AGO1: variants seen among roughly 807,000 people sequenced by gnomAD.
AGO1 encodes the protein protein argonaute-1.
In AGO1, 11 loss-of-function variants were observed where a neutral mutation model predicts 109.2. The observed-to-expected ratio is 0.10, with a 90% CI of 0.06 to 0.17. AGO1 has a LOEUF of 0.17. Among genes scored for constraint, AGO1 ranks in the 10% least tolerant of loss-of-function variants. The probability of loss-of-function intolerance (pLI) is 1.00; values close to 1 mark genes in which losing one functional copy is unlikely to be tolerated. For synonymous variants in AGO1, 422 were observed against 418.6 expected (o/e 1.01, Z -0.10); for missense variants, 574 against 1,140.3 (o/e 0.50, Z 7.15).
chr1:35,885,091 A>T (rs1353713329), intron 1 of AGO1, among the ~76,000 whole-genome samples: 1 of 151,974 alleles, frequency 6.6e-6, no homozygotes, highest in Non-Finnish European at 1.5e-5. Context: ...CCTCTTAACA[A>T]CCAGCCTTGT....
In AGO1 at chr1:35,893,818, G is replaced by A; in HGVS notation, c.649+8G>A. The stretch of plus-strand genomic sequence containing the variant: ...TGATGCTCAACATTGATGGTGAGTG[G>A]GGAGAGCTATGGAGCCAGGGGCACC... On this transcript the variant is annotated splice_region_variant and intron_variant, in intron 5 of 18. Transcript: ENST00000373204. This position sits in a 1 kb window ranked among gnomAD's most constrained non-coding sequence, Gnocchi z 5.6. 1 of 1,610,504 alleles carries A rather than the reference G, an allele frequency of 6.2e-7. No individual in the cohort carries two copies. The highest frequency in any genetic ancestry group is 8.5e-7 in the Non-Finnish European group (1 of 1,177,732).
In AGO1 at chr1:35,901,954, A is replaced by C. The variant is rs1404044449; in HGVS notation, c.1147A>C (p.Asn383His). ...GCTCTCTTTTGTCCTGCAGATGAAG[A>C]ATGCCAGCTACAACTTAGATCCCTA... ...RQEEISRLMKNASYNLDPYIQ... is the reference protein window; with the variant it reads ...RQEEISRLMKHASYNLDPYIQ... Residue 383 changes from asparagine to histidine, a missense_variant, in exon 10 of 19, where the codon AAT becomes CAT. Asn to His is a moderately conservative substitution (Grantham distance 68). Transcript: ENST00000373204. This position sits in a 1 kb window ranked among gnomAD's most constrained non-coding sequence, Gnocchi z 4.8. The C allele has an allele frequency of 6.3e-7, 1 of 1,587,874 alleles. No individual in the cohort carries two copies. The highest frequency in any genetic ancestry group is 1.4e-5 in the African/African-American group (1 of 74,046).
At chr1:35,899,180 A>G (rs72661613) in intron 8 of AGO1, among the ~76,000 whole-genome samples, 7,243 of 152,290 alleles carry the variant, frequency 0.048, 258 homozygotes, top group South Asian at 0.083. Flanking sequence ...ACTTAACACA[A>G]TGTCTTCAAG....
chr1:35,884,458 C>T (rs761926743), intron 1 of AGO1, among the ~76,000 whole-genome samples: 41 of 152,090 alleles, frequency 2.7e-4, no homozygotes, highest in Non-Finnish European at 5.1e-4. Context: ...GGCTTTTAAT[C>T]CAAAGATTTT....
In AGO1 at chr1:35,921,804, A is replaced by G. The variant is rs1357140818; in HGVS notation, c.*2197A>G. ...TGCTGGCTACAGCATGGGGTGCCCTATAGGCACAAGCCCAGCTGAAGAACA... is the reference window on the plus strand; with the variant it reads ...TGCTGGCTACAGCATGGGGTGCCCTGTAGGCACAAGCCCAGCTGAAGAACA... On this transcript the variant is annotated 3_prime_UTR_variant, in exon 19 of 19. Transcript: ENST00000373204. 6.5e-6 allele frequency: 1 copy of G among 152,702 alleles called. No homozygotes were observed. Among genetic ancestry groups the G allele is most frequent in the African/African-American group, 2.4e-5 (1 of 41,468 alleles). The allele number at this position is 152,702 out of a possible 1,614,324, so 9.5% of individuals were successfully genotyped here.
intron 15 of AGO1, among the ~76,000 whole-genome samples, chr1:35,917,317 G>A (rs1557623371): frequency 6.6e-6 from 1 of 152,098 alleles, no homozygotes; most frequent in Non-Finnish European, 1.5e-5. Context: ...TCTGTGTCTT[G>A]GTATTAGGTC....
chr1:35,910,013 T>C (rs992383486), intron 12 of AGO1, among the ~76,000 whole-genome samples: 1 of 151,972 alleles, frequency 6.6e-6, no homozygotes, highest in Non-Finnish European at 1.5e-5. Context: ...TATGTTACAC[T>C]TCTCTCTAGC....
intron 12 of AGO1, among the ~76,000 whole-genome samples, chr1:35,909,879 ATAAG>A (rs1028156842): frequency 1.3e-5 from 2 of 152,012 alleles, no homozygotes; most frequent in Non-Finnish European, 2.9e-5. Flanking sequence ...ACTTCCTTGA[ATAAG>A]TATTCATGTT....
In AGO1 at chr1:35,925,137, TAGA is replaced by T. The variant is rs1160082662; in HGVS notation, c.*5536_*5538del. 1.3e-5 allele frequency: 2 copies of T among 151,800 alleles called. No homozygotes were observed. Among genetic ancestry groups the T allele is most frequent in the Non-Finnish European group, 2.9e-5 (2 of 67,952 alleles). The allele number at this position is 151,800 out of a possible 1,614,324, so 9.4% of individuals were successfully genotyped here. On this transcript the variant is annotated 3_prime_UTR_variant, in exon 19 of 19. Coordinates refer to ENST00000373204, the MANE Select transcript of AGO1 (RefSeq NM_012199.5). ...GGTGAGGTAGGAGAAGAAATCAGAG[TAGA>T]AGAAGGTTCATGAAGGGAGTGATTA...
chr1:35,910,392 TG>T (rs1645610617), intron 12 of AGO1, among the ~76,000 whole-genome samples: 1 of 152,026 alleles, frequency 6.6e-6, no homozygotes, highest in Admixed American at 6.5e-5. Context: ...CTGATATTAT[TG>T]TTTTTTTAAT....
At chr1:35,906,829 ATCTC>A in intron 11 of AGO1, 102 bp from the exon 12 acceptor site, 1 of 940,344 alleles carries the variant, frequency 1.1e-6, no homozygotes, top group Non-Finnish European at 1.6e-6. Context: ...AAAAAAACCA[ATCTC>A]TCAGTGCCTC....
At chr1:35,907,145 A>G (rs369518630) in intron 12 of AGO1, 26 bp downstream of exon 12, 460 of 1,593,046 alleles carry the variant, frequency 2.9e-4, no homozygotes, top group Non-Finnish European at 3.7e-4. Flanking sequence ...GACAGTGATA[A>G]TGGTGATAGG....
Position 35,913,926 on chromosome 1 carries a change from A to G in AGO1, c.1667A>G (p.Gln556Arg). 6.2e-7 allele frequency: 1 copy of G among 1,614,150 alleles called. No homozygotes were observed. Among genetic ancestry groups the G allele is most frequent in the Non-Finnish European group, 8.5e-7 (1 of 1,180,028 alleles). The change falls in exon 13 of 19, where the codon CAG becomes CGG. Residue 556 changes from glutamine (Q) to arginine (R), a missense_variant. Physicochemically the swap from Gln to Arg is conservative, Grantham distance 43. This residue lies in a region of AGO1 where 68 missense variants were observed against 200.2 expected (regional missense o/e 0.34). Coordinates refer to ENST00000373204, the MANE Select transcript of AGO1 (RefSeq NM_012199.5). The stretch of plus-strand genomic sequence containing the variant: ...AAGAACGTGGTCAAGACCTCACCTC[A>G]GACTCTGTCCAACCTCTGCCTCAAG... ...QVKNVVKTSP[Q>R]TLSNLCLKIN...
intron 1 of AGO1, among the ~76,000 whole-genome samples, chr1:35,872,406 G>A (rs1452465317): frequency 6.6e-6 from 1 of 151,946 alleles, no homozygotes; most frequent in Non-Finnish European, 1.5e-5. Context: ...TGCTGGTCTT[G>A]AACTCCTGAC....
chr1:35,923,917 G>A lies in AGO1; in HGVS notation c.*4310G>A, dbSNP rs890351554. On this transcript the variant is annotated 3_prime_UTR_variant, in exon 19 of 19. Transcript: ENST00000373204. ...TGAATGCACTGAGTCCCTTGGTGTA[G>A]TAGCAATAAGGAAAAATGAAATTAC... 5 of 152,646 alleles carry A rather than the reference G, an allele frequency of 3.3e-5. No individual in the cohort carries two copies. Among genetic ancestry groups the A allele is most frequent in the Admixed American group, 3.3e-4 (5 of 15,282 alleles). 9.5% of individuals were successfully genotyped at this position (152,646 alleles called of 1,614,324 possible). A position where few individuals can be genotyped will look rare whatever the true frequency, so the allele number is the denominator to read the frequency against.
intron 8 of AGO1, among the ~76,000 whole-genome samples, chr1:35,900,631 G>A (rs2148714804): frequency 6.6e-6 from 1 of 152,322 alleles, no homozygotes; most frequent in East Asian, 1.9e-4. Flanking sequence ...GAACGCTGAG[G>A]CAGGAGAATC....
Position 35,902,075 on chromosome 1 carries a change from GCAGGGTCAGGGC to G in AGO1, c.1263+9_1263+20del. ...ATCTTGCAGTACGGCGGCCGGGTGA[GCAGGGTCAGGGC>G]CAGACAACATCTCGGGGCATATGGG... On this transcript the variant is annotated splice_donor_region_variant and intron_variant, in intron 10 of 18. Transcript: ENST00000373204. 1 of 1,598,590 alleles carries G rather than the reference GCAGGGTCAGGGC, an allele frequency of 6.3e-7. No individual in the cohort carries two copies. Among genetic ancestry groups the G allele is most frequent in the Non-Finnish European group, 8.5e-7 (1 of 1,172,214 alleles).
intron 2 of AGO1, among the ~76,000 whole-genome samples, chr1:35,889,994 CG>C (rs1645188289): frequency 6.6e-6 from 1 of 151,902 alleles, no homozygotes; most frequent in African/African-American, 2.4e-5. Flanking sequence ...GGATTACAGG[CG>C]TGAGCCACCG....
chr1:35,885,878 A>G (rs949080944), intron 1 of AGO1, among the ~76,000 whole-genome samples: 3 of 152,258 alleles, frequency 2.0e-5, no homozygotes, highest in African/African-American at 7.2e-5. Flanking sequence ...ACGTATGTGG[A>G]TATTTAATAA....
Sources: allele counts gnomAD v4.1 joint callset (sites outside exome capture counted in the v4.1 genomes callset), GRCh38; gene constraint gnomAD v4.1.1; regional missense constraint gnomAD v4.1.1; non-coding constraint Gnocchi (gnomAD v3.1); transcripts MANE v1.5; gene names NCBI Gene and HGNC (gene_info 2026-07-23, HGNC 2026-07-21).